The following PAPSS1 variants were observed in gnomAD, a reference collection of about 807,000 sequenced individuals.
PAPSS1 encodes the protein bifunctional 3'-phosphoadenosine 5'-phosphosulfate synthase 1.
In PAPSS1, 50 loss-of-function variants were observed where a neutral mutation model predicts 72.0. The observed-to-expected ratio is 0.69, with a 90% CI of 0.55 to 0.88. The LOEUF (loss-of-function observed/expected upper bound fraction) is 0.88, where lower values mean the gene tolerates loss of function less well. Ranked by LOEUF, PAPSS1 falls within the 40% of genes least tolerant of loss-of-function variation. The probability of loss-of-function intolerance (pLI) is 0.00; values close to 1 mark genes in which losing one functional copy is unlikely to be tolerated. For synonymous variants in PAPSS1, 261 were observed against 263.6 expected (o/e 0.99, Z 0.09); for missense variants, 657 against 782.2 (o/e 0.84, Z 1.91).
intron 5 of PAPSS1, among the ~76,000 whole-genome samples, chr4:107,661,893 G>A (rs1578405659): frequency 6.6e-6 from 1 of 151,980 alleles, no homozygotes; most frequent in African/African-American, 2.4e-5. Flanking sequence ...CAACAACTAT[G>A]GGTTCTGAAA....
At chr4:107,651,942 C>T (rs1335545672) in intron 9 of PAPSS1, among the ~76,000 whole-genome samples, 1 of 152,178 alleles carries the variant, frequency 6.6e-6, no homozygotes, top group African/African-American at 2.4e-5. Flanking sequence ...AATTTCCCCA[C>T]AAACACAACT....
At chr4:107,706,856 G>A (rs1723350343) in intron 1 of PAPSS1, among the ~76,000 whole-genome samples, 1 of 152,224 alleles carries the variant, frequency 6.6e-6, no homozygotes, top group South Asian at 2.1e-4. Context: ...CAGGGAGGCT[G>A]GCCTGGTATC....
At position 107,660,039 on chromosome 4, in the gene PAPSS1, T is replaced by C. The variant is rs778918257; in HGVS notation, c.703A>G (p.Lys235Glu). The C allele has an allele frequency of 6.2e-7, 1 of 1,600,802 alleles. No homozygotes were observed. ...TTATTTTCTGGCACATATAGTTCTT[T>C]TACTTCATAAGATGCATCCACAGGT... The part of the protein sequence containing the change: ...IVPVDASYEV[K>E]ELYVPENKLH... Residue 235 changes from lysine to glutamate, a missense_variant, in exon 6 of 12, where the codon AAA becomes GAA. This residue lies in a region of PAPSS1 where 190 missense variants were observed against 176.7 expected (regional missense o/e 1.07). Transcript: ENST00000265174.
chr4:107,684,511 T>C (rs928757005), intron 4 of PAPSS1, among the ~76,000 whole-genome samples: 15 of 152,146 alleles, frequency 9.9e-5, no homozygotes, highest in African/African-American at 3.6e-4. Context: ...ACCCTCCCAA[T>C]CCTAAAGAGA....
Position 107,614,344 on chromosome 4 carries a change from G to A in PAPSS1, c.1780C>T (p.Leu594Phe). 1.9e-6 allele frequency: 3 copies of A among 1,613,920 alleles called. No homozygotes were observed. The highest frequency in any genetic ancestry group is 1.7e-6 in the Non-Finnish European group (2 of 1,179,824). Reference sequence around the variant, plus strand: ...GGTGGTTTCTGGCCTTCTCGAGCAAGTTTGCGCATTCGTGTTCCTGAAATA... The same window carrying A: ...GGTGGTTTCTGGCCTTCTCGAGCAAATTTGCGCATTCGTGTTCCTGAAATA... ...EFISGTRMRK[L>F]AREGQKPPEG... Residue 594 changes from leucine (L) to phenylalanine (F), a missense_variant, in exon 12 of 12, where the codon CTT becomes TTT. Physicochemically the swap from Leu to Phe is conservative, Grantham distance 22. Transcript: ENST00000265174.
chr4:107,673,584 G>A (rs1462465939), intron 5 of PAPSS1, among the ~76,000 whole-genome samples: 1 of 152,176 alleles, frequency 6.6e-6, no homozygotes, highest in Non-Finnish European at 1.5e-5. Context: ...ATCTACTTCT[G>A]ATTGGTGTAG....
At chr4:107,656,310 T>A (rs1560574307) in intron 7 of PAPSS1, among the ~76,000 whole-genome samples, 1 of 152,086 alleles carries the variant, frequency 6.6e-6, no homozygotes, top group Non-Finnish European at 1.5e-5. Context: ...GAGATGGGGT[T>A]TCACCATGTT....
At chr4:107,677,323 T>C (rs1181228602) in intron 5 of PAPSS1, among the ~76,000 whole-genome samples, 1 of 151,968 alleles carries the variant, frequency 6.6e-6, no homozygotes, top group Admixed American at 6.6e-5. Context: ...TATAAAGAAC[T>C]CAAATAAATT....
intron 5 of PAPSS1, among the ~76,000 whole-genome samples, chr4:107,661,033 A>G (rs957729475): frequency 6.6e-6 from 1 of 152,232 alleles, no homozygotes; most frequent in Non-Finnish European, 1.5e-5. Context: ...ACCCAATTTT[A>G]AAAATGGGCA....
intron 10 of PAPSS1, among the ~76,000 whole-genome samples, chr4:107,632,907 T>C (rs903150602): frequency 9.2e-5 from 14 of 152,214 alleles, no homozygotes; most frequent in African/African-American, 3.1e-4. Context: ...ATTGTTTTGT[T>C]TTCATTTTCT....
At chr4:107,621,284 T>C (rs1201537530) in intron 11 of PAPSS1, among the ~76,000 whole-genome samples, 3 of 152,160 alleles carry the variant, frequency 2.0e-5, no homozygotes, top group African/African-American at 7.2e-5. Context: ...AAAGAACTTC[T>C]AGTAGCATGG....
At chr4:107,655,362 T>C (rs889939928) in intron 7 of PAPSS1, among the ~76,000 whole-genome samples, 7 of 152,180 alleles carry the variant, frequency 4.6e-5, no homozygotes. Flanking sequence ...ATGTGGCAAG[T>C]TGATTAAGTA....
chr4:107,672,644 G>C (rs1727517877), intron 5 of PAPSS1, among the ~76,000 whole-genome samples: 1 of 152,198 alleles, frequency 6.6e-6, no homozygotes, highest in Non-Finnish European at 1.5e-5. Context: ...TCTGGGGGCA[G>C]GGCATAGCCA....
At chr4:107,676,960 G>A (rs553107689) in intron 5 of PAPSS1, among the ~76,000 whole-genome samples, 2 of 152,308 alleles carry the variant, frequency 1.3e-5, no homozygotes, top group South Asian at 4.1e-4. Context: ...AATAAATGGT[G>A]CTGGGAAAAC....
At chr4:107,630,185 T>C (rs1578384646) in intron 11 of PAPSS1, among the ~76,000 whole-genome samples, 1 of 141,476 alleles carries the variant, frequency 7.1e-6, no homozygotes, top group East Asian at 1.9e-4. Flanking sequence ...CTCACAAAAG[T>C]GTCCTGATCT....
intron 1 of PAPSS1, among the ~76,000 whole-genome samples, chr4:107,705,896 T>C (rs1223097197): frequency 6.6e-6 from 1 of 152,194 alleles, no homozygotes; most frequent in Non-Finnish European, 1.5e-5. Context: ...CAAGTCTGTA[T>C]GTTTGTGTTT....
At chr4:107,699,606 T>C (rs1195846129) in intron 2 of PAPSS1, among the ~76,000 whole-genome samples, 1 of 152,112 alleles carries the variant, frequency 6.6e-6, no homozygotes, top group East Asian at 1.9e-4. Context: ...GATAAGGACC[T>C]AACTGAGAAA....
intron 2 of PAPSS1, chr4:107,694,248 G>A (rs1723013014): frequency 2.2e-6 from 1 of 450,684 alleles, no homozygotes; most frequent in African/African-American, 2.0e-5. Context: ...TGTAGAGACA[G>A]AATTCTCAAT....
chr4:107,623,344 GTTCA>G (rs1016736142), intron 11 of PAPSS1, among the ~76,000 whole-genome samples: 121 of 152,140 alleles, frequency 8.0e-4, no homozygotes, highest in African/African-American at 2.8e-3. Context: ...GACTAAAACT[GTTCA>G]TTAAGTATAT....
Sources: gnomAD v4.1 joint callset for allele counts (sites outside exome capture counted in the v4.1 genomes callset) on GRCh38, gnomAD v4.1.1 for gene constraint, gnomAD v4.1.1 regional missense constraint, MANE v1.5 for transcripts, NCBI Gene and HGNC (gene_info 2026-07-23, HGNC 2026-07-21) for gene names.